Variants in ROBO1 observed in about 807,000 individuals in gnomAD.
ROBO1 encodes the protein roundabout guidance receptor 1.
A neutral mutation model predicts 195.9 loss-of-function variants in ROBO1; 149 were observed. The ratio of observed to expected loss-of-function variants is 0.76; its 90% CI spans 0.67 to 0.87. ROBO1 has a LOEUF of 0.87. Ranked by LOEUF, ROBO1 falls within the 40% of genes least tolerant of loss-of-function variation. The pLI is 0.00. For synonymous variants in ROBO1, 816 were observed against 733.2 expected (o/e 1.11, Z -1.82); for missense variants, 1,933 against 2,068.3 (o/e 0.93, Z 1.27).
At chr3:78,740,097 A>G (rs945624709) in intron 5 of ROBO1, among the ~76,000 whole-genome samples, 2 of 152,180 alleles carry the variant, frequency 1.3e-5, no homozygotes, top group African/African-American at 2.4e-5. Flanking sequence ...GAATATACAT[A>G]AAGTGCTTGT....
chr3:79,183,049 C>G (rs994587136), intron 2 of ROBO1, among the ~76,000 whole-genome samples: 4 of 140,762 alleles, frequency 2.8e-5, no homozygotes, highest in Non-Finnish European at 6.0e-5. Flanking sequence ...CCGCTGCACT[C>G]TAGCCTGGGT....
At chr3:78,655,076 C>G (rs934887505) in intron 18 of ROBO1, among the ~76,000 whole-genome samples, 8 of 151,878 alleles carry the variant, frequency 5.3e-5, no homozygotes, top group South Asian at 2.1e-4. Context: ...AAACCAGGAG[C>G]TATTTTTGTT....
intron 2 of ROBO1, among the ~76,000 whole-genome samples, chr3:79,435,660 A>G (rs1188922630): frequency 6.6e-6 from 1 of 152,204 alleles, no homozygotes; most frequent in Non-Finnish European, 1.5e-5. Context: ...TTTGTAAAGT[A>G]TTAATCAAAT....
chr3:78,597,721 C>CT lies in ROBO1; in HGVS notation c.*1191dup, dbSNP rs987086538. 2.6e-5 allele frequency: 4 copies of CT among 152,398 alleles called. No individual in the cohort carries two copies. The highest frequency in any genetic ancestry group is 7.2e-5 in the African/African-American group (3 of 41,420). The allele number at this position is 152,398 out of a possible 1,614,324, so 9.4% of individuals were successfully genotyped here. Reference sequence around the variant, plus strand: ...CATTGGCCACAACAAACTTAAACCTCTTTTTTTCTTTAAGTCCAGGAAAAG... The same window carrying CT: ...CATTGGCCACAACAAACTTAAACCTCTTTTTTTTCTTTAAGTCCAGGAAAAG... On this transcript the variant is annotated 3_prime_UTR_variant, in exon 31 of 31. Transcript: ENST00000464233.
intron 2 of ROBO1, among the ~76,000 whole-genome samples, chr3:79,456,160 A>T (rs2039613055): frequency 6.6e-6 from 1 of 152,156 alleles, no homozygotes; most frequent in Admixed American, 6.6e-5. Context: ...GAAATGAGAA[A>T]TTTTAATTAG....
chr3:78,654,658 A>C (rs1395304958), intron 18 of ROBO1, among the ~76,000 whole-genome samples: 2 of 152,078 alleles, frequency 1.3e-5, no homozygotes, highest in African/African-American at 4.8e-5. Flanking sequence ...TAAAACAGCC[A>C]CTCGCTAGCT....
chr3:78,662,881 A>AT (rs1032696872), intron 14 of ROBO1, among the ~76,000 whole-genome samples: 9 of 151,638 alleles, frequency 5.9e-5, no homozygotes, highest in Admixed American at 1.3e-4. Context: ...ACTAATGTTA[A>AT]TTTTTTTTTA....
chr3:79,395,973 G>T (rs1047451497), intron 2 of ROBO1, among the ~76,000 whole-genome samples: 2 of 151,958 alleles, frequency 1.3e-5, no homozygotes, highest in Admixed American at 1.3e-4. Flanking sequence ...GACATGGAAG[G>T]GATGAATTAC....
At chr3:79,502,181 CG>C (rs1194701295) in intron 2 of ROBO1, among the ~76,000 whole-genome samples, 1 of 152,346 alleles carries the variant, frequency 6.6e-6, no homozygotes, top group African/African-American at 2.4e-5. Context: ...TTCAGCCCGC[CG>C]CTGCACTGTG....
intron 3 of ROBO1, among the ~76,000 whole-genome samples, chr3:79,016,064 G>C (rs908934875): frequency 2.6e-5 from 4 of 152,272 alleles, no homozygotes; most frequent in African/African-American, 9.6e-5. Context: ...TGTGATCTTA[G>C]GCTTGGGGCA....
chr3:79,498,884 T>C (rs1243815861), intron 2 of ROBO1, among the ~76,000 whole-genome samples: 1 of 152,120 alleles, frequency 6.6e-6, no homozygotes. Flanking sequence ...GATTTGTGAT[T>C]CCACTTACCA....
chr3:79,507,112 G>T (rs1940441172), intron 2 of ROBO1, among the ~76,000 whole-genome samples: 1 of 152,182 alleles, frequency 6.6e-6, no homozygotes, highest in Non-Finnish European at 1.5e-5. Flanking sequence ...GATAGATCAT[G>T]ATTCCTATTA....
chr3:79,205,917 G>A, intron 2 of ROBO1, among the ~76,000 whole-genome samples: 1 of 152,144 alleles, frequency 6.6e-6, no homozygotes, highest in Non-Finnish European at 1.5e-5. Flanking sequence ...GTCACCTAAA[G>A]GATGATTTCT....
chr3:78,717,034 A>G (rs1333615898), intron 7 of ROBO1, among the ~76,000 whole-genome samples: 1 of 152,082 alleles, frequency 6.6e-6, no homozygotes, highest in Admixed American at 6.6e-5. Flanking sequence ...ATATTAAAGA[A>G]TATCATATTT....
Position 78,997,968 on chromosome 3 carries a change from A to C in ROBO1, c.173-59041T>G, listed in dbSNP as rs543348935. On this transcript the variant is annotated intron_variant, in intron 3 of 30. Coordinates refer to ENST00000464233, the MANE Select transcript of ROBO1 (RefSeq NM_002941.4). ...GTAAACATGAATGAATTTCTGTTTT[A>C]GTATATGTTGGACCAGACTTCATTA... Among the ~76,000 whole-genome samples, 9 of 152,298 alleles carry C rather than the reference A, an allele frequency of 5.9e-5. No homozygotes were observed. In the South Asian group the frequency reaches 1.7e-3, roughly 28 times the overall value.
chr3:79,283,158 T>C (rs1352871320), intron 2 of ROBO1, among the ~76,000 whole-genome samples: 1 of 152,210 alleles, frequency 6.6e-6, no homozygotes, highest in Non-Finnish European at 1.5e-5. Context: ...CATCCATAAT[T>C]GCTTTTTAGA....
At chr3:79,267,630 A>G (rs1481490781) in intron 2 of ROBO1, among the ~76,000 whole-genome samples, 1 of 151,262 alleles carries the variant, frequency 6.6e-6, no homozygotes, top group Non-Finnish European at 1.5e-5. Flanking sequence ...TAAGCACTGC[A>G]GGTAAAATAA....
chr3:79,557,762 A>ATT (rs1942762934), intron 2 of ROBO1, among the ~76,000 whole-genome samples: 2 of 131,882 alleles, frequency 1.5e-5, no homozygotes, highest in African/African-American at 3.2e-5. Context: ...ATATATATAT[A>ATT]TATTTTATTG....
chr3:79,661,196 G>A (rs139298036), intron 1 of ROBO1, among the ~76,000 whole-genome samples: 135 of 152,098 alleles, frequency 8.9e-4, no homozygotes, highest in Non-Finnish European at 1.4e-3. Context: ...AATTACCTTT[G>A]CTTCAGAGAT....
Sources: allele counts gnomAD v4.1 joint callset (sites outside exome capture counted in the v4.1 genomes callset), GRCh38; gene constraint gnomAD v4.1.1; transcripts MANE v1.5; gene names NCBI Gene and HGNC (gene_info 2026-07-23, HGNC 2026-07-21).